Variants in SPG7 observed in about 807,000 individuals in gnomAD.
SPG7 encodes mitochondrial inner membrane m-AAA protease component paraplegin.
In SPG7, 103 loss-of-function variants were observed where a neutral mutation model predicts 81.9. The observed-to-expected ratio is 1.26, with a 90% CI of 1.07 to 1.48. The LOEUF (loss-of-function observed/expected upper bound fraction) is 1.48, where lower values mean the gene tolerates loss of function less well. SPG7 is among the 40% of genes most tolerant of loss of function. SPG7 has a pLI of 0.00. For synonymous variants in SPG7, 534 were observed against 444.2 expected (o/e 1.20, Z -2.54); for missense variants, 1,241 against 1,087.3 (o/e 1.14, Z -1.99).
At chr16:89,539,310 G>C (rs2058467694) in intron 9 of SPG7, 1 of 152,068 alleles carries the variant, frequency 6.6e-6, no homozygotes, top group Non-Finnish European at 1.5e-5. Flanking sequence ...GACCAGCCTG[G>C]CCAATATGGA....
chr16:89,546,786 C>T lies in SPG7; in HGVS notation c.1552+26C>T, dbSNP rs772334230. The T allele has an allele frequency of 6.7e-6, 10 of 1,502,572 alleles. No homozygotes were observed. In the South Asian group the frequency reaches 1.0e-4, roughly 15 times the overall value. The allele number at this position is 1,502,572 out of a possible 1,614,324, so 93.1% of individuals were successfully genotyped here. On this transcript the variant is annotated intron_variant, in intron 11 of 16. Transcript: ENST00000645818. ...GTACGTTCTCAACCCGCAGCCTGGG[C>T]AGCGTCACGTCCTGAGGGCAGGTGG...
chr16:89,508,786 G>C (rs768193944), intron 1 of SPG7, 186 bp downstream of exon 1: 2 of 742,544 alleles, frequency 2.7e-6, no homozygotes, highest in South Asian at 3.0e-5. Flanking sequence ...CGTGGGCGCT[G>C]GGCGGGCCGG....
intron 10 of SPG7, chr16:89,545,885 C>T (rs192282676): frequency 4.1e-5 from 18 of 441,742 alleles, no homozygotes; most frequent in African/African-American, 1.4e-4. Flanking sequence ...AAGGGTGTTG[C>T]GCTGTCACCC....
At chr16:89,518,458 G>A (rs568989914) in intron 3 of SPG7, 41 of 152,002 alleles carry the variant, frequency 2.7e-4, no homozygotes, top group African/African-American at 9.9e-4. Flanking sequence ...CACTGATAAC[G>A]CGGGTGAACC....
intron 3 of SPG7, among the ~76,000 whole-genome samples, chr16:89,516,149 A>C (rs1236829638): frequency 1.3e-5 from 2 of 152,004 alleles, no homozygotes; most frequent in Non-Finnish European, 2.9e-5. Flanking sequence ...CACCAAGCCC[A>C]GCTAATTTTT....
Position 89,532,469 on chromosome 16 carries a change from G to A in SPG7, c.1157G>A (p.Gly386Asp). Reference sequence around the variant, plus strand: ...TCTCTCTGTGTCCCCTCAGGCCTCGGCGCTGCCCGTGTGCGGAGCCTCTTT... The same window carrying A: ...TCTCTCTGTGTCCCCTCAGGCCTCGACGCTGCCCGTGTGCGGAGCCTCTTT... ...PEFVEVIGGLGAARVRSLFKE... is the reference protein window; with the variant it reads ...PEFVEVIGGLDAARVRSLFKE... The change falls in exon 9 of 17, where the codon GGC becomes GAC. Residue 386 changes from glycine to aspartate, a missense_variant. Gly to Asp is a moderately conservative substitution (Grantham distance 94, BLOSUM62 -1). Transcript: ENST00000645818. The A allele has an allele frequency of 6.2e-7, 1 of 1,613,422 alleles. No homozygotes were observed. Among genetic ancestry groups the A allele is most frequent in the Non-Finnish European group, 8.5e-7 (1 of 1,180,024 alleles).
chr16:89,519,725 C>G (rs971990952), intron 3 of SPG7: 2 of 152,222 alleles, frequency 1.3e-5, no homozygotes, highest in African/African-American at 4.8e-5. Flanking sequence ...GAGAAGGCCC[C>G]TTTCCACTGT....
chr16:89,550,161 C>A (rs74251521), intron 12 of SPG7: 3 of 358,362 alleles, frequency 8.4e-6, no homozygotes, highest in East Asian at 1.4e-4. Context: ...CTCAGCTCAC[C>A]CCCCCGTCAT....
At chr16:89,553,392 A>G in intron 14 of SPG7, 1 of 550,722 alleles carries the variant, frequency 1.8e-6, no homozygotes, top group South Asian at 2.0e-5. Flanking sequence ...TAATGGCTAC[A>G]GGAAACGGAA....
intron 12 of SPG7, chr16:89,550,229 G>C (rs1567931502): frequency 2.4e-6 from 1 of 415,730 alleles, no homozygotes. Flanking sequence ...CTGGAGTGCA[G>C]TGGCATGATC....
At chr16:89,543,250 T>A (rs1288369440) in intron 9 of SPG7, 1 of 141,536 alleles carries the variant, frequency 7.1e-6, no homozygotes, top group African/African-American at 2.6e-5. Flanking sequence ...CCTGGCTATA[T>A]CCTGTTCTTA....
chr16:89,553,178 T>C (rs964664565), intron 14 of SPG7, 43 bp downstream of exon 14: 3 of 1,555,418 alleles, frequency 1.9e-6, no homozygotes, highest in Non-Finnish European at 2.6e-6. Flanking sequence ...CAGAGCGCTT[T>C]TCCCTGCATG....
chr16:89,554,367 A>C (rs1365267943), intron 15 of SPG7, 119 bp from the exon 16 acceptor site: 26 of 743,270 alleles, frequency 3.5e-5, no homozygotes, highest in Non-Finnish European at 7.1e-6. Context: ...TCGGCTGAGG[A>C]GTCCTGTTCC....
chr16:89,545,288 C>T (rs916274050), intron 10 of SPG7: 5 of 245,324 alleles, frequency 2.0e-5, no homozygotes, highest in Admixed American at 1.0e-4. Context: ...TCTGGTTGGA[C>T]GTTACACTTC....
chr16:89,524,256 G>C lies in SPG7; in HGVS notation c.618+9G>C, dbSNP rs776709869. 1 of 1,604,916 alleles carries C rather than the reference G, an allele frequency of 6.2e-7. No homozygotes were observed. Among genetic ancestry groups the C allele is most frequent in the South Asian group, 1.1e-5 (1 of 90,690 alleles). On this transcript the variant is annotated intron_variant, in intron 4 of 16. Coordinates refer to ENST00000645818, the MANE Select transcript of SPG7 (RefSeq NM_003119.4). ...TGGTGTTTGGGCGGCCTGTGAGTGA[G>C]GGTGCGGGAGGCCTGTGAGTGAGGG...
At chr16:89,536,609 TGGGTGAGGC>T (rs1200470457) in intron 9 of SPG7, among the ~76,000 whole-genome samples, 2 of 34,506 alleles carry the variant, frequency 5.8e-5, no homozygotes, top group Admixed American at 3.5e-4. Context: ...TGAGGTGAGG[TGGGTGAGGC>T]GGGTGAGGGC....
At chr16:89,545,455 T>C (rs1597654966) in intron 10 of SPG7, 2 of 186,682 alleles carry the variant, frequency 1.1e-5, no homozygotes, top group East Asian at 1.6e-4. Flanking sequence ...CAGCCGGTGC[T>C]CAGTCTCTGT....
intron 9 of SPG7, chr16:89,539,265 C>G (rs575288597): frequency 6.6e-6 from 1 of 152,096 alleles, no homozygotes; most frequent in South Asian, 2.1e-4. Context: ...GTTTGCCCGC[C>G]GGGCATGGTG....
chr16:89,552,953 C>T, intron 13 of SPG7, 26 bp from the exon 14 acceptor site: 1 of 1,612,812 alleles, frequency 6.2e-7, no homozygotes, highest in Non-Finnish European at 8.5e-7. Flanking sequence ...TGCCTACTGA[C>T]CTGGGTCATC....
Sources: gnomAD v4.1 joint callset for allele counts (sites outside exome capture counted in the v4.1 genomes callset) on GRCh38, gnomAD v4.1.1 for gene constraint, MANE v1.5 for transcripts, NCBI Gene and HGNC (gene_info 2026-07-23, HGNC 2026-07-21) for gene names.